CHST9: variants seen among roughly 807,000 people sequenced by gnomAD.
CHST9 encodes the protein GalNAc-4-sulfotransferase 2.
Under a neutral mutation model 44.4 loss-of-function variants are expected in CHST9, and 41 were observed. The observed-to-expected ratio is 0.92, with a 90% CI of 0.72 to 1.20. CHST9 has a LOEUF of 1.20. Among genes scored for constraint, CHST9 ranks in the 50% most tolerant of loss-of-function variants. CHST9 has a pLI of 0.00. For missense variants in CHST9, 504 were observed against 516.5 expected (o/e 0.98, Z 0.23); for synonymous variants, 171 against 178.4 (o/e 0.96, Z 0.33).
At position 27,041,096 on chromosome 18, in the gene CHST9, C is replaced by T. The variant is rs543044705; in HGVS notation, c.160+7369G>A. The stretch of plus-strand genomic sequence containing the variant: ...ACACCTAGGTTGCCCTTTGATACAA[C>T]TTCCACGATAAATTAGTTGATCATT... On this transcript the variant is annotated intron_variant, in intron 3 of 5. Transcript: ENST00000618847. Among the ~76,000 whole-genome samples the T allele has an allele frequency of 7.2e-4, 110 of 152,254 alleles. 1 individual carries two copies. The highest frequency in any genetic ancestry group is 2.6e-3 in the African/African-American group (107 of 41,558).
chr18:27,145,848 A>G (rs977202131), intron 1 of CHST9, among the ~76,000 whole-genome samples: 3 of 152,224 alleles, frequency 2.0e-5, no homozygotes, highest in African/African-American at 7.2e-5. Flanking sequence ...GAATCCCTCA[A>G]GGGAAGCTAT....
intron 5 of CHST9, among the ~76,000 whole-genome samples, chr18:26,937,763 T>C (rs745712778): frequency 6.6e-6 from 1 of 152,204 alleles, no homozygotes; most frequent in Non-Finnish European, 1.5e-5. Flanking sequence ...TAATTTAATG[T>C]AAAATTTAGC....
intron 2 of CHST9, among the ~76,000 whole-genome samples, chr18:27,136,943 TAG>T (rs1299339627): frequency 1.3e-5 from 2 of 152,224 alleles, no homozygotes; most frequent in African/African-American, 4.8e-5. Context: ...TGTAAACTAT[TAG>T]ATGCAATCTG....
At chr18:27,141,090 GGCTCAC>G (rs1357503461) in intron 2 of CHST9, among the ~76,000 whole-genome samples, 2 of 152,100 alleles carry the variant, frequency 1.3e-5, no homozygotes, top group African/African-American at 4.8e-5. Flanking sequence ...GGGGCACGGT[GGCTCAC>G]GCCTGTAATC....
At chr18:27,125,516 A>G (rs1381308786) in intron 2 of CHST9, among the ~76,000 whole-genome samples, 1 of 152,130 alleles carries the variant, frequency 6.6e-6, no homozygotes, top group Middle Eastern at 3.2e-3. Flanking sequence ...GTTTCTCTCT[A>G]AATAAATTTG....
chr18:26,975,753 AT>A (rs1256539210), intron 4 of CHST9, among the ~76,000 whole-genome samples: 9 of 136,562 alleles, frequency 6.6e-5, no homozygotes, highest in Non-Finnish European at 1.3e-4. Context: ...ATATATATAT[AT>A]ATATATATAT....
At chr18:27,119,322 G>GT (rs1772222367) in intron 2 of CHST9, among the ~76,000 whole-genome samples, 1 of 152,160 alleles carries the variant, frequency 6.6e-6, no homozygotes, top group Non-Finnish European at 1.5e-5. Flanking sequence ...AGAAAAAGGT[G>GT]TAACATTCAT....
At chr18:26,983,543 A>G (rs1448633666) in intron 4 of CHST9, among the ~76,000 whole-genome samples, 1 of 152,188 alleles carries the variant, frequency 6.6e-6, no homozygotes, top group East Asian at 1.9e-4. Context: ...GAAGCCGAGC[A>G]GATGCCAGCT....
chr18:27,025,628 T>C (rs1486607759), intron 3 of CHST9, among the ~76,000 whole-genome samples: 1 of 152,194 alleles, frequency 6.6e-6, no homozygotes, highest in Admixed American at 6.5e-5. Flanking sequence ...TAGTAATATC[T>C]GCATTTTGGA....
At chr18:26,926,572 T>G (rs889005883) in intron 5 of CHST9, among the ~76,000 whole-genome samples, 2 of 152,242 alleles carry the variant, frequency 1.3e-5, no homozygotes, top group Non-Finnish European at 2.9e-5. Context: ...GATGACTCTT[T>G]TGTTTGCAAA....
At chr18:27,113,016 C>T (rs577518645) in intron 2 of CHST9, among the ~76,000 whole-genome samples, 11 of 152,088 alleles carry the variant, frequency 7.2e-5, no homozygotes, top group Admixed American at 3.3e-4. Context: ...AGTGAAACCC[C>T]GCCTCTACTA....
chr18:27,089,380 T>A (rs1265347034), intron 2 of CHST9, among the ~76,000 whole-genome samples: 2 of 150,644 alleles, frequency 1.3e-5, no homozygotes, highest in African/African-American at 4.9e-5. Context: ...GGTGAGAATG[T>A]GCGGTGTTTG....
chr18:26,943,390 TGAC>T (rs2056113527), intron 5 of CHST9, among the ~76,000 whole-genome samples: 1 of 152,186 alleles, frequency 6.6e-6, no homozygotes, highest in African/African-American at 2.4e-5. Flanking sequence ...TGGGATGGAC[TGAC>T]AATAGGAACT....
chr18:26,945,548 C>T (rs485918), intron 4 of CHST9, among the ~76,000 whole-genome samples: 17 of 152,128 alleles, frequency 1.1e-4, no homozygotes, highest in Admixed American at 6.5e-4. Flanking sequence ...CTTTTTTCCT[C>T]GGCATACTTC....
In CHST9 at chr18:26,916,287, A is replaced by G. The variant is rs1339415697; in HGVS notation, c.1304T>C (p.Met435Thr). ...CAAAAATGGAGTTGTATAATTAAAC[A>G]TTAAATAGTCCAAGTAATAAAAGTC... ...IYDFYYLDYL[M>T]FNYTTPFL The change falls in exon 6 of 6, where the codon ATG becomes ACG. Residue 435 changes from methionine (M) to threonine (T), a missense_variant. Met to Thr is a moderately conservative substitution (Grantham distance 81). Transcript: ENST00000618847. The G allele has an allele frequency of 1.3e-6, 2 of 1,587,900 alleles. No individual in the cohort carries two copies. Among genetic ancestry groups the G allele is most frequent in the African/African-American group, 1.3e-5 (1 of 74,136 alleles).
chr18:27,085,905 T>G (rs2143696530), intron 2 of CHST9, among the ~76,000 whole-genome samples: 1 of 152,302 alleles, frequency 6.6e-6, no homozygotes, highest in South Asian at 2.1e-4. Flanking sequence ...AAAGAAAATG[T>G]GGTGTATATA....
At chr18:27,179,757 A>C (rs1221220242) in intron 1 of CHST9, among the ~76,000 whole-genome samples, 1 of 152,156 alleles carries the variant, frequency 6.6e-6, no homozygotes, top group Non-Finnish European at 1.5e-5. Context: ...CAATTTACAA[A>C]AATAGTTTAG....
At chr18:26,969,374 CTCTGTGTG>C in intron 4 of CHST9, among the ~76,000 whole-genome samples, 1 of 149,360 alleles carries the variant, frequency 6.7e-6, no homozygotes, top group East Asian at 2.0e-4. Context: ...CTCTCTCTCT[CTCTGTGTG>C]TGTGTGTGTG....
At position 26,906,534 on chromosome 18, in the gene CHST9, C is replaced by T. The variant is rs1384420663; in HGVS notation, c.*9725G>A. 6.6e-6 allele frequency: 1 copy of T among 152,178 alleles called. No individual in the cohort carries two copies. Among genetic ancestry groups the T allele is most frequent in the Non-Finnish European group, 1.5e-5 (1 of 68,036 alleles). The allele number at this position is 152,178 out of a possible 1,614,324, so 9.4% of individuals were successfully genotyped here. On this transcript the variant is annotated 3_prime_UTR_variant, in exon 6 of 6. Transcript: ENST00000618847. ...GAGCACTTATTAAATACTTTACATG[C>T]ATTTCCCATACCCCCCTTACTAGGT... is the stretch of plus-strand genomic sequence containing the variant.
Sources: allele counts gnomAD v4.1 joint callset (sites outside exome capture counted in the v4.1 genomes callset), GRCh38; gene constraint gnomAD v4.1.1; transcripts MANE v1.5; gene names NCBI Gene and HGNC (gene_info 2026-07-23, HGNC 2026-07-21).